Variants in AKR1B15 observed in about 807,000 individuals in gnomAD.
AKR1B15 encodes estradiol 17-beta-dehydrogenase AKR1B15.
AKR1B15 carries 49 observed loss-of-function variants against 38.5 expected under a neutral mutation model. The ratio of observed to expected loss-of-function variants is 1.27; its 90% CI spans 1.01 to 1.62. The LOEUF (loss-of-function observed/expected upper bound fraction) is 1.62, where lower values mean the gene tolerates loss of function less well. Ranked by LOEUF, AKR1B15 falls within the 40% of genes most tolerant of loss-of-function variation. The pLI is 0.00. For synonymous variants in AKR1B15, 137 were observed against 135.5 expected, an observed-to-expected ratio of 1.01 and a Z score of -0.08; for missense variants, 411 against 381.6, an observed-to-expected ratio of 1.08 and a Z score of -0.64.
intron 2 of AKR1B15, among the ~76,000 whole-genome samples, chr7:134,559,541 G>A (rs1459517700): frequency 1.3e-5 from 2 of 152,156 alleles, no homozygotes; most frequent in Non-Finnish European, 2.9e-5. Context: ...TGGGCTAGGA[G>A]GAGATGTTGA....
chr7:134,572,095 G>A lies in AKR1B15; in HGVS notation c.513+414G>A, dbSNP rs369065286. ...TACATACTACTAATATATATCTTTC[G>A]GGGTGTGATAAAACTTAAGATGGTT... On this transcript the variant is annotated intron_variant, in intron 6 of 11. Transcript: ENST00000457545. 5.3e-5 allele frequency among the ~76,000 whole-genome samples: 8 copies of A among 152,100 alleles called. No individual in the cohort carries two copies. In the East Asian group the frequency reaches 5.8e-4, roughly 11 times the overall value.
At chr7:134,556,191 G>A (rs1225558805) in intron 1 of AKR1B15, among the ~76,000 whole-genome samples, 1 of 152,120 alleles carries the variant, frequency 6.6e-6, no homozygotes. Flanking sequence ...AAAACACCCA[G>A]AGAGAGTCGA....
chr7:134,571,987 C>T (rs73451251), intron 6 of AKR1B15, among the ~76,000 whole-genome samples: 9,171 of 152,228 alleles, frequency 0.06, 431 homozygotes, highest in African/African-American at 0.13. Flanking sequence ...CCTGGGTTTG[C>T]TCATAGCAGC....
At chr7:134,575,396 A>G (rs1313306231) in intron 6 of AKR1B15, 24 bp from the exon 7 acceptor site, 10 of 1,613,162 alleles carry the variant, frequency 6.2e-6, no homozygotes, top group Middle Eastern at 1.7e-4. Flanking sequence ...AGAGCTGCCC[A>G]TAAGGTATTC....
chr7:134,550,688 C>G (rs1793936706), intron 1 of AKR1B15, among the ~76,000 whole-genome samples: 1 of 152,178 alleles, frequency 6.6e-6, no homozygotes, highest in African/African-American at 2.4e-5. Flanking sequence ...TTTGTTCAAA[C>G]CTTGTTAATT....
intron 1 of AKR1B15, among the ~76,000 whole-genome samples, chr7:134,554,361 C>T (rs138375687): frequency 3.3e-5 from 5 of 152,242 alleles, no homozygotes; most frequent in East Asian, 3.9e-4. Flanking sequence ...AAACAAGCTT[C>T]GGATCTTCAA....
In AKR1B15 at chr7:134,575,923, C is replaced by A; in HGVS notation, c.739C>A (p.Pro247Thr). Residue 247 changes from proline to threonine, a missense_variant, in exon 8 of 12, where the codon CCT becomes ACT. Pro to Thr is a conservative substitution (Grantham distance 38). This residue lies in a region of AKR1B15 where 133 missense variants were observed against 120.3 expected (regional missense o/e 1.11). Transcript: ENST00000457545. Reference protein sequence around the residue: ...AYSPLGSPDRPWAKPEDPSLL... With the variant: ...AYSPLGSPDRTWAKPEDPSLL... The stretch of plus-strand genomic sequence containing the variant: ...CAGCCCCCTGGGCTCTCCGGATAGA[C>A]CTTGGTGAGGCTTCCAAGTGGTGGG... The A allele has an allele frequency of 1.9e-6, 3 of 1,612,940 alleles. No homozygotes were observed. The highest frequency in any genetic ancestry group is 1.7e-4 in the Middle Eastern group (1 of 6,048).
chr7:134,560,762 C>T (rs1229282821), intron 2 of AKR1B15, among the ~76,000 whole-genome samples: 1 of 152,060 alleles, frequency 6.6e-6, no homozygotes, highest in Non-Finnish European at 1.5e-5. Flanking sequence ...ACCTGAAAAC[C>T]AAAAGTACCA....
At chr7:134,573,699 T>G (rs1227504206) in intron 6 of AKR1B15, among the ~76,000 whole-genome samples, 1 of 152,250 alleles carries the variant, frequency 6.6e-6, no homozygotes, top group Non-Finnish European at 1.5e-5. Context: ...ATCTAATTGC[T>G]GAATCAGAAG....
At chr7:134,552,424 T>C (rs1794018138) in intron 1 of AKR1B15, among the ~76,000 whole-genome samples, 2 of 152,160 alleles carry the variant, frequency 1.3e-5, no homozygotes, top group Admixed American at 6.5e-5. Context: ...CCAGCTGTTG[T>C]AGAACTCCTG....
intron 8 of AKR1B15, 59 bp from the exon 9 acceptor site, chr7:134,576,290 T>A: frequency 6.5e-7 from 1 of 1,542,842 alleles, no homozygotes; most frequent in Non-Finnish European, 8.9e-7. Context: ...ATTGGAGTGG[T>A]GTCCTTCTGT....
chr7:134,577,793 G>A lies in AKR1B15; in HGVS notation c.992+7G>A, dbSNP rs762691269. ...GGGCCTTTGACTTCAAGGAGTAAGT[G>A]GCATGGAGTTAACTAGAAGAATTGC... On this transcript the variant is annotated splice_region_variant and intron_variant, in intron 11 of 11. Transcript: ENST00000457545. 1.9e-6 allele frequency: 3 copies of A among 1,613,540 alleles called. No individual in the cohort carries two copies. Among genetic ancestry groups the A allele is most frequent in the African/African-American group, 2.7e-5 (2 of 75,036 alleles).
rs565594741 is a variant in AKR1B15 at position 134,569,412 on chromosome 7, G to A, written c.319-1G>A. The A allele has an allele frequency of 5.6e-6, 9 of 1,614,012 alleles. No individual in the cohort carries two copies. Among genetic ancestry groups the A allele is most frequent in the Non-Finnish European group, 7.6e-6 (9 of 1,179,922 alleles). Reference sequence around the variant, plus strand: ...CTAGCTCATTGCTACACTCTTTGCAGGTGTGGCCCACTTTCTTTGAGAGAC... The same window carrying A: ...CTAGCTCATTGCTACACTCTTTGCAAGTGTGGCCCACTTTCTTTGAGAGAC... On this transcript the variant is annotated splice_acceptor_variant, in intron 4 of 11. Transcript: ENST00000457545. LOFTEE classifies it high-confidence loss of function.
chr7:134,573,623 A>G (rs774067512), intron 6 of AKR1B15: 375 of 873,976 alleles, frequency 4.3e-4, no homozygotes, highest in Non-Finnish European at 4.9e-4. Context: ...GGAAAAAAGT[A>G]TAAAGAAGTC....
chr7:134,572,150 C>T (rs903174499), intron 6 of AKR1B15, among the ~76,000 whole-genome samples: 1 of 152,104 alleles, frequency 6.6e-6, no homozygotes, highest in African/African-American at 2.4e-5. Flanking sequence ...TCATAAAGCC[C>T]ATGTAATCAT....
intron 2 of AKR1B15, among the ~76,000 whole-genome samples, chr7:134,560,513 A>C (rs1794354016): frequency 6.6e-6 from 1 of 152,218 alleles, no homozygotes; most frequent in South Asian, 2.1e-4. Context: ...GTTACACGAA[A>C]ACAGCTAATA....
Position 134,562,838 on chromosome 7 carries a change from CTT to C in AKR1B15, c.-22-1758_-22-1757del, listed in dbSNP as rs1794438886. 4.2e-3 allele frequency among the ~76,000 whole-genome samples: 200 copies of C among 47,572 alleles called. 1 individual carries two copies. Among genetic ancestry groups the C allele is most frequent in the African/African-American group, 0.019 (190 of 9,982 alleles). 31.2% of individuals were successfully genotyped at this position (47,572 alleles called of 152,430 possible). A position where few individuals can be genotyped will look rare whatever the true frequency, so the allele number is the denominator to read the frequency against. The stretch of plus-strand genomic sequence containing the variant: ...TTTCTTCCTTCCTTCCTTTCTCTTT[CTT>C]TCTTTCTTTCTTTCTTTCTTTCTTT... On this transcript the variant is annotated intron_variant, in intron 2 of 11. Transcript: ENST00000457545.
At chr7:134,562,308 T>C (rs1441434829) in intron 2 of AKR1B15, among the ~76,000 whole-genome samples, 2 of 152,226 alleles carry the variant, frequency 1.3e-5, no homozygotes, top group East Asian at 1.9e-4. Context: ...CCACATCCTG[T>C]AAGGGTACCT....
intron 2 of AKR1B15, among the ~76,000 whole-genome samples, chr7:134,561,458 T>G (rs548968152): frequency 6.6e-6 from 1 of 152,220 alleles, no homozygotes; most frequent in Non-Finnish European, 1.5e-5. Flanking sequence ...CCACCTGCCT[T>G]GGCCTCCCAA....
Sources: allele counts gnomAD v4.1 joint callset (sites outside exome capture counted in the v4.1 genomes callset), GRCh38; gene constraint gnomAD v4.1.1; regional missense constraint gnomAD v4.1.1; transcripts MANE v1.5; gene names NCBI Gene and HGNC (gene_info 2026-07-23, HGNC 2026-07-21).